The following MACROD2 variants were observed in gnomAD, a reference collection of about 807,000 sequenced individuals.
MACROD2 encodes the protein mono-ADP ribosylhydrolase 2.
MACROD2 carries 36 observed loss-of-function variants against 70.4 expected under a neutral mutation model. The ratio of observed to expected loss-of-function variants is 0.51; its 90% CI spans 0.39 to 0.68. The LOEUF (loss-of-function observed/expected upper bound fraction) is 0.68, where lower values mean the gene tolerates loss of function less well. MACROD2 is among the 30% of genes least tolerant of loss of function. MACROD2 has a pLI of 0.00. For missense variants in MACROD2, 496 were observed against 538.4 expected, an observed-to-expected ratio of 0.92 and a Z score of 0.78; for synonymous variants, 172 against 178.8, an observed-to-expected ratio of 0.96 and a Z score of 0.30.
At position 15,778,144 on chromosome 20, in the gene MACROD2, A is replaced by G. The variant is rs116062347; in HGVS notation, c.646-84601A>G. 3.0e-3 allele frequency among the ~76,000 whole-genome samples: 451 copies of G among 152,304 alleles called. 4 individuals are homozygous for G. Among genetic ancestry groups the G allele is most frequent in the African/African-American group, 0.01 (428 of 41,582 alleles). On this transcript the variant is annotated intron_variant, in intron 8 of 17. Coordinates refer to ENST00000684519, the MANE Select transcript of MACROD2 (RefSeq NM_001351661.2). Reference sequence around the variant, plus strand: ...AAAAGGATAAAAACCCTCAGGGAAGATAAGTAACTTGGTCAAGTTTGCACA... The same window carrying G: ...AAAAGGATAAAAACCCTCAGGGAAGGTAAGTAACTTGGTCAAGTTTGCACA...
At chr20:14,319,196 C>G (rs2082638039) in intron 3 of MACROD2, among the ~76,000 whole-genome samples, 1 of 152,194 alleles carries the variant, frequency 6.6e-6, no homozygotes, top group Non-Finnish European at 1.5e-5. Flanking sequence ...AGAGCCTGAA[C>G]TACAAACCTT....
At chr20:15,826,232 C>A (rs2063995744) in intron 8 of MACROD2, among the ~76,000 whole-genome samples, 1 of 152,174 alleles carries the variant, frequency 6.6e-6, no homozygotes, top group Admixed American at 6.5e-5. Flanking sequence ...ACTTCAGATA[C>A]CTCACTTCAA....
chr20:14,499,967 C>A (rs1344178959), intron 4 of MACROD2, among the ~76,000 whole-genome samples: 1 of 152,146 alleles, frequency 6.6e-6, no homozygotes, highest in Non-Finnish European at 1.5e-5. Flanking sequence ...TAAATAGGTT[C>A]TTCAAGCAGG....
rs566885362 is a variant in MACROD2, at chr20:15,378,080, T to C, written c.541-53325T>C. ...GGGTGCAGCAAACCACCATGGCACG[T>C]GTATACCTATGTAACAAACCTGCAC... On this transcript the variant is annotated intron_variant, in intron 6 of 17. Transcript: ENST00000684519. Among the ~76,000 whole-genome samples the C allele has an allele frequency of 2.0e-5, 3 of 151,848 alleles. No homozygotes were observed. In the East Asian group the frequency reaches 5.8e-4, roughly 29 times the overall value.
chr20:14,548,360 T>C (rs1235260711), intron 4 of MACROD2, among the ~76,000 whole-genome samples: 1 of 152,174 alleles, frequency 6.6e-6, no homozygotes, highest in African/African-American at 2.4e-5. Context: ...GAAGCATTTC[T>C]ACTATATCTT....
chr20:14,967,491 G>GT (rs112873664), intron 5 of MACROD2, among the ~76,000 whole-genome samples: 21,525 of 151,734 alleles, frequency 0.14, 1,824 homozygotes, highest in East Asian at 0.33. Flanking sequence ...GTTTGTTTTT[G>GT]TTTTTTTTGA....
intron 3 of MACROD2, among the ~76,000 whole-genome samples, chr20:14,393,101 T>C (rs2083545676): frequency 6.6e-6 from 1 of 152,178 alleles, no homozygotes. Context: ...TGGAGAGATA[T>C]AAGAGAGAGA....
At chr20:14,271,089 G>C (rs2082190367) in intron 3 of MACROD2, among the ~76,000 whole-genome samples, 1 of 152,232 alleles carries the variant, frequency 6.6e-6, no homozygotes, top group Non-Finnish European at 1.5e-5. Context: ...AAAGACAGCA[G>C]TAACCTCTGC....
At chr20:15,976,550 A>C (rs1292754928) in intron 13 of MACROD2, among the ~76,000 whole-genome samples, 1 of 152,212 alleles carries the variant, frequency 6.6e-6, no homozygotes, top group Non-Finnish European at 1.5e-5. Context: ...AAAGGTCTGC[A>C]TGCACTGAGG....
At chr20:15,345,039 G>T (rs1479356139) in intron 6 of MACROD2, among the ~76,000 whole-genome samples, 1 of 152,158 alleles carries the variant, frequency 6.6e-6, no homozygotes, top group Non-Finnish European at 1.5e-5. Flanking sequence ...CTGCTCTCTT[G>T]TATCATCACA....
intron 15 of MACROD2, among the ~76,000 whole-genome samples, chr20:15,998,230 T>C (rs2066658733): frequency 6.6e-6 from 1 of 152,218 alleles, no homozygotes; most frequent in African/African-American, 2.4e-5. Context: ...TTCAATTTGT[T>C]TGGAAGAGTT....
chr20:15,715,157 T>C (rs1303358846), intron 8 of MACROD2, among the ~76,000 whole-genome samples: 1 of 152,152 alleles, frequency 6.6e-6, no homozygotes, highest in Non-Finnish European at 1.5e-5. Flanking sequence ...TAAAATGCCA[T>C]TATGTCCAAA....
In MACROD2 at chr20:15,636,129, G is replaced by GA. The variant is rs10573928; in HGVS notation, c.645+136292dup. On this transcript the variant is annotated intron_variant, in intron 8 of 17. Transcript: ENST00000684519. ...AAAGAAAAAAGAAAAGGAAAAAGAG[G>GA]AAAAAAAAAAGAAATCCCCTAGGGC... is the stretch of plus-strand genomic sequence containing the variant. Among the ~76,000 whole-genome samples the GA allele has an allele frequency of 3.5e-3, 465 of 131,532 alleles. 2 individuals carry two copies. Among genetic ancestry groups the GA allele is most frequent in the Middle Eastern group, 8.9e-3 (2 of 224 alleles). The allele number at this position is 131,532 out of a possible 152,430, so 86.3% of individuals were successfully genotyped here. A position where few individuals can be genotyped will look rare whatever the true frequency, so the allele number is the denominator to read the frequency against.
At chr20:14,221,951 G>A (rs550453464) in intron 3 of MACROD2, among the ~76,000 whole-genome samples, 3 of 152,268 alleles carry the variant, frequency 2.0e-5, no homozygotes, top group Non-Finnish European at 4.4e-5. Context: ...AGTCAGAATG[G>A]CTATTGTTAA....
chr20:14,339,443 C>G (rs1047964826), intron 3 of MACROD2, among the ~76,000 whole-genome samples: 4 of 152,156 alleles, frequency 2.6e-5, no homozygotes, highest in African/African-American at 4.8e-5. Flanking sequence ...ATAATTATTT[C>G]TAGAAGCCAT....
chr20:15,935,593 A>G (rs967831259), intron 11 of MACROD2, among the ~76,000 whole-genome samples: 2 of 152,162 alleles, frequency 1.3e-5, no homozygotes, highest in African/African-American at 4.8e-5. Flanking sequence ...AAAAAACACA[A>G]TCTTAAAACA....
At chr20:14,301,870 C>T (rs1601451844) in intron 3 of MACROD2, among the ~76,000 whole-genome samples, 1 of 152,066 alleles carries the variant, frequency 6.6e-6, no homozygotes, top group African/African-American at 2.4e-5. Context: ...AATATGAATT[C>T]TATTTTAATT....
At chr20:14,339,346 A>G (rs1364131893) in intron 3 of MACROD2, among the ~76,000 whole-genome samples, 1 of 152,216 alleles carries the variant, frequency 6.6e-6, no homozygotes, top group Non-Finnish European at 1.5e-5. Context: ...TTAAACTGAT[A>G]TGCAGCAGCT....
intron 5 of MACROD2, among the ~76,000 whole-genome samples, chr20:15,006,139 ATATGTGTGTGTG>A (rs948199279): frequency 2.5e-4 from 24 of 95,020 alleles, no homozygotes; most frequent in African/African-American, 8.0e-4. Flanking sequence ...TTATATATAT[ATATGTGTGTGTG>A]TGTGTGTGTG....
Sources: gnomAD v4.1 joint callset for allele counts (sites outside exome capture counted in the v4.1 genomes callset) on GRCh38, gnomAD v4.1.1 for gene constraint, MANE v1.5 for transcripts, NCBI Gene and HGNC (gene_info 2026-07-23, HGNC 2026-07-21) for gene names.